Variants in ANO2 observed in about 807,000 individuals in gnomAD.
The protein encoded by ANO2 is anoctamin 2, also known as anoctamin-2.
In ANO2, 101 loss-of-function variants were observed where a neutral mutation model predicts 124.2. The ratio of observed to expected loss-of-function variants is 0.81; its 90% CI spans 0.69 to 0.96. The LOEUF is 0.96. ANO2 is among the 40% of genes least tolerant of loss of function. The probability of loss-of-function intolerance (pLI) is 0.00; values close to 1 mark genes in which losing one functional copy is unlikely to be tolerated. For missense variants in ANO2, 1,293 were observed against 1,274.5 expected (o/e 1.01, Z -0.22); for synonymous variants, 486 against 482.5 (o/e 1.01, Z -0.09).
At chr12:5,830,554 C>T in intron 5 of ANO2, 65 bp from the exon 6 acceptor site, 1 of 1,447,388 alleles carries the variant, frequency 6.9e-7, no homozygotes, top group Non-Finnish European at 9.5e-7. Context: ...ACCACTGCCA[C>T]CCCAGACCCA....
In ANO2 at chr12:5,809,595, C is replaced by G. The variant is rs776183333; in HGVS notation, c.893-2227G>C. On this transcript the variant is annotated intron_variant, in intron 7 of 24. Transcript: ENST00000682330. ...GTCTGGAAGCATCAGACCATTAGACCGACAACCTGAACTCCTGGTCCCAGC... is the reference window on the plus strand; with the variant it reads ...GTCTGGAAGCATCAGACCATTAGACGGACAACCTGAACTCCTGGTCCCAGC... Among the ~76,000 whole-genome samples the G allele has an allele frequency of 2.0e-5, 3 of 152,170 alleles. No individual in the cohort carries two copies. The East Asian group carries it at 5.8e-4, about 29-fold the overall frequency.
At chr12:5,917,626 G>A (rs1435415054) in intron 3 of ANO2, among the ~76,000 whole-genome samples, 1 of 141,010 alleles carries the variant, frequency 7.1e-6, no homozygotes, top group Non-Finnish European at 1.5e-5. Context: ...GGAGTGTAGT[G>A]GTGCCATCTC....
intron 11 of ANO2, among the ~76,000 whole-genome samples, chr12:5,746,338 T>A (rs1565636155): frequency 6.6e-6 from 1 of 152,206 alleles, no homozygotes; most frequent in Non-Finnish European, 1.5e-5. Flanking sequence ...TCTCCTCAAA[T>A]CATTTAAATG....
chr12:5,655,114 C>T (rs1947093113), intron 14 of ANO2, among the ~76,000 whole-genome samples: 1 of 152,196 alleles, frequency 6.6e-6, no homozygotes. Flanking sequence ...TTCTCCCACT[C>T]ATTACATAAC....
At chr12:5,767,047 T>A (rs977001725) in intron 10 of ANO2, among the ~76,000 whole-genome samples, 1 of 152,166 alleles carries the variant, frequency 6.6e-6, no homozygotes. Flanking sequence ...ATGGAGCAGG[T>A]TGCCAACAAG....
intron 10 of ANO2, among the ~76,000 whole-genome samples, chr12:5,798,526 A>G (rs1000053481): frequency 5.3e-5 from 8 of 152,174 alleles, no homozygotes; most frequent in Non-Finnish European, 1.2e-4. Flanking sequence ...CCAGCCAGGA[A>G]CACGCTCTAT....
intron 19 of ANO2, among the ~76,000 whole-genome samples, chr12:5,610,167 TTACTTATATAAA>T (rs1237551414): frequency 1.6e-5 from 2 of 124,018 alleles, no homozygotes; most frequent in South Asian, 2.4e-4. Context: ...CAAATTTATA[TTACTTATATAAA>T]TACTTATATA....
intron 19 of ANO2, among the ~76,000 whole-genome samples, chr12:5,602,925 C>T (rs1177407083): frequency 3.9e-5 from 6 of 152,166 alleles, no homozygotes; most frequent in African/African-American, 1.4e-4. Context: ...TATACCCAGC[C>T]AAAGTATAGA....
intron 14 of ANO2, among the ~76,000 whole-genome samples, chr12:5,665,770 G>T (rs1395391340): frequency 7.7e-6 from 1 of 129,918 alleles, no homozygotes; most frequent in Non-Finnish European, 1.6e-5. Flanking sequence ...TCCAGGCCCT[G>T]ACTCACTGCA....
chr12:5,890,263 G>T (rs1006112693), intron 3 of ANO2, among the ~76,000 whole-genome samples: 1 of 152,118 alleles, frequency 6.6e-6, no homozygotes, highest in African/African-American at 2.4e-5. Context: ...GCACATTCAG[G>T]TCAATGCAGA....
chr12:5,643,199 C>G (rs913234296), intron 15 of ANO2, among the ~76,000 whole-genome samples: 3 of 152,282 alleles, frequency 2.0e-5, no homozygotes, highest in Non-Finnish European at 4.4e-5. Context: ...CCTTTGGATC[C>G]AACCACTGTG....
intron 3 of ANO2, among the ~76,000 whole-genome samples, chr12:5,898,085 A>G (rs1215731390): frequency 1.3e-5 from 2 of 152,200 alleles, no homozygotes; most frequent in African/African-American, 2.4e-5. Flanking sequence ...ATAAGACTCA[A>G]ACAGGCACTT....
At chr12:5,889,532 G>A (rs1939235821) in intron 3 of ANO2, among the ~76,000 whole-genome samples, 1 of 152,252 alleles carries the variant, frequency 6.6e-6, no homozygotes, top group African/African-American at 2.4e-5. Context: ...GCGCAGGTGA[G>A]GAAATCAGGA....
chr12:5,632,910 C>A (rs1191860233), intron 16 of ANO2, among the ~76,000 whole-genome samples: 1 of 152,178 alleles, frequency 6.6e-6, no homozygotes, highest in Non-Finnish European at 1.5e-5. Context: ...TACATTGGAT[C>A]TCCTACCTCT....
intron 3 of ANO2, among the ~76,000 whole-genome samples, chr12:5,860,975 A>G (rs1469263250): frequency 1.3e-5 from 2 of 152,230 alleles, no homozygotes; most frequent in East Asian, 3.8e-4. Context: ...TCACTCAGCA[A>G]GCATTAGACT....
chr12:5,921,233 A>G lies in ANO2; in HGVS notation c.341T>C (p.Leu114Pro). The change falls in exon 3 of 25, where the codon CTG becomes CCG. Residue 114 changes from leucine to proline, a missense_variant. Coordinates refer to ENST00000682330, the MANE Select transcript of ANO2 (RefSeq NM_001364791.2). ...AYHYRKRGVH[L>P]AQGFPGHSLA... ...CGAGTGGCCAGGGAAGCCTTGGGCC[A>G]GGTGCACCCCGCGTTTCCGGTAGTG... is the stretch of plus-strand genomic sequence containing the variant. 1 of 1,613,952 alleles carries G rather than the reference A, an allele frequency of 6.2e-7. No homozygotes were observed.
chr12:5,920,931 C>T (rs1166409307), intron 3 of ANO2, 109 bp downstream of exon 3: 1 of 1,289,706 alleles, frequency 7.8e-7, no homozygotes. Flanking sequence ...AAAAAAAGTC[C>T]ACCTGCCAGA....
intron 10 of ANO2, among the ~76,000 whole-genome samples, chr12:5,766,098 T>A (rs1951880657): frequency 6.6e-6 from 1 of 152,204 alleles, no homozygotes; most frequent in Admixed American, 6.5e-5. Context: ...CCCACATAGT[T>A]CTGGTAAGCT....
chr12:5,700,204 A>G, intron 14 of ANO2, among the ~76,000 whole-genome samples: 1 of 152,202 alleles, frequency 6.6e-6, no homozygotes, highest in East Asian at 1.9e-4. Context: ...AGCACTCCTC[A>G]ACAAATGTAA....
Sources: allele counts gnomAD v4.1 joint callset (sites outside exome capture counted in the v4.1 genomes callset), GRCh38; gene constraint gnomAD v4.1.1; transcripts MANE v1.5; gene names NCBI Gene and HGNC (gene_info 2026-07-23, HGNC 2026-07-21).